GRIA4: variants seen among roughly 807,000 people sequenced by gnomAD.
The protein encoded by GRIA4 is glutamate ionotropic receptor AMPA type subunit 4.
A neutral mutation model predicts 104.0 loss-of-function variants in GRIA4; 34 were observed. That is an observed-to-expected ratio of 0.33 (90% confidence interval 0.25 to 0.44). GRIA4 has a LOEUF of 0.44. Ranked by LOEUF, GRIA4 falls within the 20% of genes least tolerant of loss-of-function variation. GRIA4 has a pLI of 1.00. For synonymous variants in GRIA4, 386 were observed against 381.9 expected, an observed-to-expected ratio of 1.01 and a Z score of -0.13; for missense variants, 750 against 1,096.5, an observed-to-expected ratio of 0.68 and a Z score of 4.46.
intron 3 of GRIA4, among the ~76,000 whole-genome samples, chr11:105,624,720 C>T (rs1020551944): frequency 2.0e-5 from 3 of 151,850 alleles, no homozygotes; most frequent in Admixed American, 2.0e-4. Flanking sequence ...CTTTTTTCCT[C>T]CCCAAAAACA....
chr11:105,659,991 A>G (rs1268291888), intron 3 of GRIA4, among the ~76,000 whole-genome samples: 1 of 151,798 alleles, frequency 6.6e-6, no homozygotes, highest in Non-Finnish European at 1.5e-5. Flanking sequence ...AATAATAAAA[A>G]TATTAAAATT....
chr11:105,792,207 T>TA (rs1420098841), intron 4 of GRIA4, among the ~76,000 whole-genome samples: 1 of 152,170 alleles, frequency 6.6e-6, no homozygotes, highest in African/African-American at 2.4e-5. Flanking sequence ...CCAGTTTGTG[T>TA]AATATGATGA....
chr11:105,762,081 T>C (rs1194621245), intron 4 of GRIA4, among the ~76,000 whole-genome samples: 1 of 151,506 alleles, frequency 6.6e-6, no homozygotes, highest in Non-Finnish European at 1.5e-5. Context: ...TGAAGTGCAA[T>C]TGTGTGATCT....
At chr11:105,749,452 G>A (rs1001515524) in intron 3 of GRIA4, among the ~76,000 whole-genome samples, 1 of 152,166 alleles carries the variant, frequency 6.6e-6, no homozygotes, top group South Asian at 2.1e-4. Flanking sequence ...AGATACAGGA[G>A]AAAGAGAAGG....
Position 105,933,940 on chromosome 11 carries a change from A to C in GRIA4, c.2265A>C (p.Gly755=). ...GAAATCTGGATTCCAAAGGCTATGGAGTAGCAACGCCCAAGGGTTCCTCAT... is the reference window on the plus strand; with the variant it reads ...GAAATCTGGATTCCAAAGGCTATGGCGTAGCAACGCCCAAGGGTTCCTCAT... ...VGGNLDSKGY[G]VATPKGSSLR... is the part of the protein sequence containing the mutation. Residue 755 remains glycine (G), a synonymous_variant, in exon 14 of 17, where the codon GGA becomes GGC. Coordinates refer to ENST00000282499, the MANE Select transcript of GRIA4 (RefSeq NM_000829.4). 6.2e-7 allele frequency: 1 copy of C among 1,613,082 alleles called. No individual in the cohort carries two copies. The highest frequency in any genetic ancestry group is 8.5e-7 in the Non-Finnish European group (1 of 1,179,212).
At chr11:105,633,836 G>A (rs1374348733) in intron 3 of GRIA4, among the ~76,000 whole-genome samples, 1 of 152,076 alleles carries the variant, frequency 6.6e-6, no homozygotes, top group African/African-American at 2.4e-5. Context: ...TATCCTAATG[G>A]AGCCTCAAAA....
At chr11:105,629,078 CAA>C (rs33935142) in intron 3 of GRIA4, among the ~76,000 whole-genome samples, 1 of 132,082 alleles carries the variant, frequency 7.6e-6, no homozygotes, top group African/African-American at 2.8e-5. Context: ...ACTTCTCCAC[CAA>C]AAAAAAAAAA....
At chr11:105,971,563 C>T (rs1335455074) in intron 14 of GRIA4, among the ~76,000 whole-genome samples, 2 of 152,168 alleles carry the variant, frequency 1.3e-5, no homozygotes, top group Non-Finnish European at 2.9e-5. Context: ...GCAGCCACTT[C>T]CTTAATTTTG....
At chr11:105,937,714 A>G (rs1454275416) in intron 14 of GRIA4, among the ~76,000 whole-genome samples, 2 of 152,184 alleles carry the variant, frequency 1.3e-5, no homozygotes, top group African/African-American at 2.4e-5. Context: ...TGCCTCCTCT[A>G]AAGAGGTTTG....
intron 7 of GRIA4, among the ~76,000 whole-genome samples, chr11:105,902,852 T>C (rs148574199): frequency 1.4e-3 from 210 of 152,306 alleles, no homozygotes; most frequent in Middle Eastern, 3.4e-3. Context: ...TTTAGCACAG[T>C]GACTAGTACA....
chr11:105,640,555 C>T (rs191240723), intron 3 of GRIA4, among the ~76,000 whole-genome samples: 140 of 151,828 alleles, frequency 9.2e-4, no homozygotes, highest in Admixed American at 3.7e-3. Context: ...TTCAAAAATA[C>T]TCTTTTAATT....
At chr11:105,916,634 T>C (rs971425506) in intron 10 of GRIA4, among the ~76,000 whole-genome samples, 17 of 152,190 alleles carry the variant, frequency 1.1e-4, no homozygotes, top group African/African-American at 4.1e-4. Flanking sequence ...TTGAAGTAAA[T>C]TGTTCATTAT....
At chr11:105,942,563 C>T (rs1178734075) in intron 14 of GRIA4, among the ~76,000 whole-genome samples, 1 of 151,864 alleles carries the variant, frequency 6.6e-6, no homozygotes, top group Non-Finnish European at 1.5e-5. Flanking sequence ...GGTGACTTGC[C>T]CACAGTCCTA....
chr11:105,854,961 A>G (rs1944957991), intron 4 of GRIA4, among the ~76,000 whole-genome samples: 1 of 152,196 alleles, frequency 6.6e-6, no homozygotes, highest in African/African-American at 2.4e-5. Context: ...TCTACTTCAC[A>G]GGGCTGTTAT....
chr11:105,951,651 T>A (rs1431567650), intron 14 of GRIA4, among the ~76,000 whole-genome samples: 1 of 152,228 alleles, frequency 6.6e-6, no homozygotes, highest in African/African-American at 2.4e-5. Context: ...TCACATTTTT[T>A]TTTAAATTTT....
In GRIA4 at chr11:105,683,331, C is replaced by A. The variant is rs556366564; in HGVS notation, c.248-69650C>A. Among the ~76,000 whole-genome samples, 8 of 151,402 alleles carry A rather than the reference C, an allele frequency of 5.3e-5. No homozygotes were observed. The South Asian group carries it at 1.7e-3, about 31-fold the overall frequency. On this transcript the variant is annotated intron_variant, in intron 3 of 16. Transcript: ENST00000282499. ...AATTAATATTTTCTCTGTTTATATGCAGAATTAATCTGAAGCAGTAAATAC... is the reference window on the plus strand; with the variant it reads ...AATTAATATTTTCTCTGTTTATATGAAGAATTAATCTGAAGCAGTAAATAC...
intron 4 of GRIA4, among the ~76,000 whole-genome samples, chr11:105,836,286 G>T (rs2135945859): frequency 6.6e-6 from 1 of 152,142 alleles, no homozygotes; most frequent in Admixed American, 6.6e-5. Flanking sequence ...TCTTGCTCAG[G>T]GGGCAAAAGG....
intron 14 of GRIA4, among the ~76,000 whole-genome samples, chr11:105,948,037 T>C (rs930757350): frequency 6.6e-6 from 1 of 152,232 alleles, no homozygotes; most frequent in Non-Finnish European, 1.5e-5. Flanking sequence ...TGAGCCCCCA[T>C]GTATCTGAAC....
intron 12 of GRIA4, among the ~76,000 whole-genome samples, chr11:105,926,492 C>A (rs1025584550): frequency 2.0e-5 from 3 of 152,054 alleles, no homozygotes; most frequent in African/African-American, 4.8e-5. Flanking sequence ...TTTTACATTT[C>A]TGCCATTTTC....
Sources: gnomAD v4.1 joint callset for allele counts (sites outside exome capture counted in the v4.1 genomes callset) on GRCh38, gnomAD v4.1.1 for gene constraint, MANE v1.5 for transcripts, NCBI Gene and HGNC (gene_info 2026-07-23, HGNC 2026-07-21) for gene names.